The following HDX variants were observed in gnomAD, a reference collection of about 807,000 sequenced individuals.
HDX encodes the protein chromosome X open reading frame 43.
Under a neutral mutation model 45.2 loss-of-function variants are expected in HDX, and 19 were observed. The observed-to-expected ratio is 0.42, with a 90% CI of 0.29 to 0.62. The LOEUF is 0.62. HDX is among the 20% of genes least tolerant of loss of function. HDX has a pLI of 0.20. For synonymous variants in HDX, 188 were observed against 172.8 expected (o/e 1.09, Z -0.69); for missense variants, 532 against 493.9 (o/e 1.08, Z -0.73).
At chrX:84,338,441 G>A (rs756725614) in intron 7 of HDX, among the ~76,000 whole-genome samples, 8 of 109,902 alleles carry the variant, frequency 7.3e-5, no homozygotes, top group African/African-American at 2.6e-4. Flanking sequence ...ATCTCACATA[G>A]TTATCCATCC....
chrX:84,344,845 C>T (rs757880941), intron 6 of HDX, among the ~76,000 whole-genome samples: 1 of 110,872 alleles, frequency 9.0e-6, no homozygotes, highest in East Asian at 2.8e-4. Flanking sequence ...AATATTCAGA[C>T]TTTTTAGCAA....
At chrX:84,423,500 A>AAAAG (rs1556015249) in intron 5 of HDX, among the ~76,000 whole-genome samples, 1 of 99,383 alleles carries the variant, frequency 1.0e-5, no homozygotes, top group African/African-American at 3.5e-5. Flanking sequence ...AAAAAAAAAA[A>AAAAG]AGAGAGAGAG....
intron 2 of HDX, among the ~76,000 whole-genome samples, chrX:84,484,554 T>A (rs1358803244): frequency 1.8e-5 from 2 of 111,486 alleles, no homozygotes; most frequent in African/African-American, 6.5e-5. Context: ...CACATGGGGA[T>A]TATGGGAACT....
chrX:84,415,371 AC>A (rs1408776197), intron 5 of HDX, among the ~76,000 whole-genome samples: 1 of 111,423 alleles, frequency 9.0e-6, no homozygotes, highest in African/African-American at 3.3e-5. Context: ...TCTCAGTATC[AC>A]CCCAGGAACA....
intron 5 of HDX, among the ~76,000 whole-genome samples, chrX:84,402,638 A>G (rs1385107646): frequency 9.0e-6 from 1 of 111,456 alleles, no homozygotes; most frequent in Non-Finnish European, 1.9e-5. Context: ...TAAAGCTGCT[A>G]TAATCATTTG....
At chrX:84,347,049 G>A (rs2037223064) in intron 6 of HDX, among the ~76,000 whole-genome samples, 1 of 110,877 alleles carries the variant, frequency 9.0e-6, no homozygotes, top group African/African-American at 3.3e-5. Flanking sequence ...CAGACCTTGT[G>A]CCTATTTCAC....
chrX:84,331,713 A>G (rs751167544), intron 9 of HDX, among the ~76,000 whole-genome samples: 1 of 112,007 alleles, frequency 8.9e-6, no homozygotes. Flanking sequence ...TGTAGCCATC[A>G]TAACATCATA....
chrX:84,444,605 A>G (rs2039833851), intron 4 of HDX, among the ~76,000 whole-genome samples: 1 of 111,151 alleles, frequency 9.0e-6, no homozygotes, highest in Non-Finnish European at 1.9e-5. Context: ...TGCTGGAGCT[A>G]ACGGAGAATT....
intron 4 of HDX, among the ~76,000 whole-genome samples, chrX:84,456,206 A>G (rs61105814): frequency 0.014 from 1,546 of 112,107 alleles, 37 homozygotes; most frequent in African/African-American, 0.048. Context: ...GATATTTAAA[A>G]TATTCACATC....
intron 4 of HDX, among the ~76,000 whole-genome samples, chrX:84,465,874 G>C (rs1156419585): frequency 9.0e-6 from 1 of 111,718 alleles, no homozygotes; most frequent in Non-Finnish European, 1.9e-5. Context: ...TGATCCAAGA[G>C]TGTTGGTGAT....
intron 6 of HDX, among the ~76,000 whole-genome samples, chrX:84,345,931 T>A (rs1336793583): frequency 9.0e-6 from 1 of 111,357 alleles, no homozygotes; most frequent in Non-Finnish European, 1.9e-5. Flanking sequence ...TTCAATGAAA[T>A]GTCTCTTCAT....
chrX:84,429,062 A>G (rs59033653), intron 5 of HDX, among the ~76,000 whole-genome samples: 10,158 of 110,458 alleles, frequency 0.092, 476 homozygotes, highest in South Asian at 0.28. Context: ...TCTAACTCCA[A>G]TAATACACTG....
intron 10 of HDX, among the ~76,000 whole-genome samples, chrX:84,325,671 C>T (rs2036693663): frequency 9.0e-6 from 1 of 111,667 alleles, no homozygotes; most frequent in Non-Finnish European, 1.9e-5. Context: ...AAGTGATGCA[C>T]TGTGGAAACA....
chrX:84,404,808 C>G (rs1372997679), intron 5 of HDX, among the ~76,000 whole-genome samples: 1 of 111,273 alleles, frequency 9.0e-6, no homozygotes, highest in Admixed American at 9.6e-5. Context: ...TTAAATATTA[C>G]TTCTTGGAAA....
intron 4 of HDX, among the ~76,000 whole-genome samples, chrX:84,458,121 A>G (rs913023432): frequency 9.8e-5 from 11 of 111,688 alleles, no homozygotes; most frequent in Admixed American, 1.9e-4. Flanking sequence ...TATTTTCTGA[A>G]GAAGGCCTCA....
intron 5 of HDX, among the ~76,000 whole-genome samples, chrX:84,369,804 G>C (rs921025492): frequency 9.0e-6 from 1 of 111,722 alleles, no homozygotes; most frequent in Non-Finnish European, 1.9e-5. Flanking sequence ...ATTTGTTTTT[G>C]GTATTGAGTT....
At chrX:84,448,094 C>G (rs1487983691) in intron 4 of HDX, among the ~76,000 whole-genome samples, 1 of 111,913 alleles carries the variant, frequency 8.9e-6, no homozygotes, top group Non-Finnish European at 1.9e-5. Context: ...ATCCCAATGC[C>G]TGAGCACACT....
At chrX:84,441,162 C>T (rs112662924) in intron 4 of HDX, among the ~76,000 whole-genome samples, 6,312 of 111,168 alleles carry the variant, frequency 0.057, 417 homozygotes, top group African/African-American at 0.19. Flanking sequence ...TGGCCTTTCT[C>T]GAAATATCTT....
intron 6 of HDX, among the ~76,000 whole-genome samples, chrX:84,353,864 A>G (rs2147826360): frequency 9.0e-6 from 1 of 111,599 alleles, no homozygotes; most frequent in South Asian, 3.8e-4. Context: ...TTGGTTTTGT[A>G]AGTGTTTTCA....
Sources: allele counts gnomAD v4.1 joint callset (sites outside exome capture counted in the v4.1 genomes callset), GRCh38; gene constraint gnomAD v4.1.1; transcripts MANE v1.5; gene names NCBI Gene and HGNC (gene_info 2026-07-23, HGNC 2026-07-21).